PPP2R3A: variants seen among roughly 807,000 people sequenced by gnomAD.
PPP2R3A encodes the protein serine/threonine-protein phosphatase 2A regulatory subunit B'' subunit alpha.
Under a neutral mutation model 106.9 loss-of-function variants are expected in PPP2R3A, and 80 were observed. The ratio of observed to expected loss-of-function variants is 0.75; its 90% CI spans 0.62 to 0.90. The LOEUF is 0.90. PPP2R3A is among the 40% of genes least tolerant of loss of function. The probability of loss-of-function intolerance (pLI) is 0.00; values close to 1 mark genes in which losing one functional copy is unlikely to be tolerated. For missense variants in PPP2R3A, 1,386 were observed against 1,350.4 expected (o/e 1.03, Z -0.41); for synonymous variants, 483 against 468.3 (o/e 1.03, Z -0.41).
chr3:136,140,994 A>G (rs1163143752), intron 13 of PPP2R3A, among the ~76,000 whole-genome samples: 1 of 152,190 alleles, frequency 6.6e-6, no homozygotes, highest in African/African-American at 2.4e-5. Context: ...AACTCTACAC[A>G]TTGTTTCACA....
chr3:136,073,737 T>C (rs1936512846), intron 6 of PPP2R3A, among the ~76,000 whole-genome samples: 1 of 152,224 alleles, frequency 6.6e-6, no homozygotes, highest in Non-Finnish European at 1.5e-5. Context: ...GAAATAGAAT[T>C]GTATTAGACT....
intron 2 of PPP2R3A, among the ~76,000 whole-genome samples, chr3:136,013,253 G>A (rs1432256936): frequency 6.6e-6 from 1 of 151,654 alleles, no homozygotes; most frequent in East Asian, 1.9e-4. Flanking sequence ...TCCACTCATT[G>A]ATTGATGAGC....
intron 2 of PPP2R3A, among the ~76,000 whole-genome samples, chr3:136,003,755 T>G (rs1006345586): frequency 1.2e-4 from 19 of 152,086 alleles, no homozygotes; most frequent in Non-Finnish European, 2.6e-4. Flanking sequence ...CCCAGCTCTG[T>G]GACCAAAGAA....
chr3:136,116,601 G>T (rs565966552), intron 13 of PPP2R3A, among the ~76,000 whole-genome samples: 1 of 152,298 alleles, frequency 6.6e-6, no homozygotes, highest in South Asian at 2.1e-4. Flanking sequence ...CCTAGTCTCT[G>T]ATAAAACAGA....
At chr3:136,131,398 A>G (rs940522698) in intron 13 of PPP2R3A, among the ~76,000 whole-genome samples, 4 of 152,290 alleles carry the variant, frequency 2.6e-5, no homozygotes, top group Non-Finnish European at 5.9e-5. Context: ...TGCAGCCAAC[A>G]GACACATGAA....
At chr3:136,114,557 C>G (rs1207643108) in intron 13 of PPP2R3A, among the ~76,000 whole-genome samples, 1 of 152,170 alleles carries the variant, frequency 6.6e-6, no homozygotes, top group African/African-American at 2.4e-5. Context: ...GCTGCCAGCA[C>G]AACAGTCTGA....
At chr3:136,004,255 G>A (rs753216506) in intron 2 of PPP2R3A, among the ~76,000 whole-genome samples, 10 of 152,146 alleles carry the variant, frequency 6.6e-5, no homozygotes, top group South Asian at 2.1e-4. Flanking sequence ...ATTTACATAC[G>A]TGTGTCGTAG....
rs148905841 is a variant in PPP2R3A at position 135,995,563 on chromosome 3, C to T, written c.-440-5496C>T. Among the ~76,000 whole-genome samples the T allele has an allele frequency of 3.3e-5, 5 of 151,430 alleles. No homozygotes were observed. In the East Asian group the frequency reaches 9.7e-4, roughly 30 times the overall value. On this transcript the variant is annotated intron_variant, in intron 1 of 13. Transcript: ENST00000264977. ...TTAGACTCACTGCAGCCTCTGCCTC[C>T]CGGGTTCCTTTAATTCTCCTGCCTC...
At chr3:135,966,503 G>A (rs1224186575) in intron 1 of PPP2R3A, among the ~76,000 whole-genome samples, 3 of 152,130 alleles carry the variant, frequency 2.0e-5, no homozygotes, top group East Asian at 3.9e-4. Context: ...CGCCGACCTG[G>A]CCGCCGCCGC....
At chr3:136,015,035 G>A (rs1446029866) in intron 2 of PPP2R3A, among the ~76,000 whole-genome samples, 1 of 152,044 alleles carries the variant, frequency 6.6e-6, no homozygotes, top group Non-Finnish European at 1.5e-5. Context: ...AATCATAAAG[G>A]GATGCTGGAT....
intron 13 of PPP2R3A, among the ~76,000 whole-genome samples, chr3:136,141,644 A>G (rs1374218754): frequency 6.6e-6 from 1 of 152,232 alleles, no homozygotes; most frequent in Admixed American, 6.5e-5. Flanking sequence ...AGATTAAAAG[A>G]TGAACACAAG....
chr3:136,051,542 T>C (rs13059064), intron 5 of PPP2R3A, among the ~76,000 whole-genome samples: 100,369 of 152,020 alleles, frequency 0.66, 35,250 homozygotes, highest in African/African-American at 0.9. Flanking sequence ...GTTGGCCAGG[T>C]TGGTCTCGAA....
intron 2 of PPP2R3A, among the ~76,000 whole-genome samples, chr3:136,020,172 A>G (rs1304744898): frequency 6.6e-6 from 1 of 152,146 alleles, no homozygotes; most frequent in African/African-American, 2.4e-5. Context: ...CTGGAAAATA[A>G]TGATCAAGTT....
chr3:135,974,984 C>A (rs1271702497), intron 1 of PPP2R3A, among the ~76,000 whole-genome samples: 2 of 152,188 alleles, frequency 1.3e-5, no homozygotes, highest in African/African-American at 4.8e-5. Context: ...GGGGATTGGG[C>A]CCCAGAATAC....
chr3:135,988,991 C>T (rs1466939003), intron 1 of PPP2R3A, among the ~76,000 whole-genome samples: 4 of 152,148 alleles, frequency 2.6e-5, no homozygotes, highest in African/African-American at 9.7e-5. Flanking sequence ...TATATATTTA[C>T]ATTTTTCCCT....
intron 4 of PPP2R3A, among the ~76,000 whole-genome samples, chr3:136,048,606 A>G (rs752077283): frequency 1.5e-4 from 22 of 151,278 alleles, no homozygotes; most frequent in Non-Finnish European, 2.8e-4. Flanking sequence ...CAGGAGGTGG[A>G]GGCTGCAGTG....
In PPP2R3A at chr3:136,080,028, A is replaced by C. The variant is rs547305656; in HGVS notation, c.2631+1575A>C. 3.7e-4 allele frequency among the ~76,000 whole-genome samples: 57 copies of C among 152,326 alleles called. No individual in the cohort carries two copies. The East Asian group carries it at 9.8e-3, about 26-fold the overall frequency. On this transcript the variant is annotated intron_variant, in intron 7 of 13. Transcript: ENST00000264977. ...CTCTACCATTTTACCCCCTTTCCCC[A>C]GAGGGGGACCCATATCATCTGTGGT...
At chr3:136,085,034 G>A (rs1936886775) in intron 8 of PPP2R3A, among the ~76,000 whole-genome samples, 1 of 152,152 alleles carries the variant, frequency 6.6e-6, no homozygotes, top group Middle Eastern at 3.2e-3. Flanking sequence ...TTAAGACTTT[G>A]GGGGGACTGT....
chr3:135,981,238 T>TG (rs1204321155), intron 1 of PPP2R3A, among the ~76,000 whole-genome samples: 3 of 151,796 alleles, frequency 2.0e-5, no homozygotes, highest in Non-Finnish European at 2.9e-5. Flanking sequence ...CGGTGTTTCT[T>TG]GGTTTGTATG....
Sources: allele counts gnomAD v4.1 joint callset (sites outside exome capture counted in the v4.1 genomes callset), GRCh38; gene constraint gnomAD v4.1.1; transcripts MANE v1.5; gene names NCBI Gene and HGNC (gene_info 2026-07-23, HGNC 2026-07-21).